Variants in IGF2BP2 observed in about 807,000 individuals in gnomAD.
IGF2BP2 encodes insulin-like growth factor 2 mRNA-binding protein 2.
Under a neutral mutation model 75.8 loss-of-function variants are expected in IGF2BP2, and 17 were observed. The ratio of observed to expected loss-of-function variants is 0.22; its 90% CI spans 0.15 to 0.34. IGF2BP2 has a LOEUF of 0.34. Ranked by LOEUF, IGF2BP2 falls within the 10% of genes least tolerant of loss-of-function variation. IGF2BP2 has a pLI of 1.00. For synonymous variants in IGF2BP2, 288 were observed against 295.6 expected (o/e 0.97, Z 0.26); for missense variants, 516 against 772.4 (o/e 0.67, Z 3.93).
At chr3:185,658,623 G>A (rs1009485931) in intron 10 of IGF2BP2, among the ~76,000 whole-genome samples, 1 of 152,228 alleles carries the variant, frequency 6.6e-6, no homozygotes, top group Non-Finnish European at 1.5e-5. Flanking sequence ...CCTGGTTGCA[G>A]TAGCTCTCTG....
intron 2 of IGF2BP2, among the ~76,000 whole-genome samples, chr3:185,747,088 G>A (rs1031222995): frequency 1.3e-5 from 2 of 152,166 alleles, no homozygotes; most frequent in African/African-American, 4.8e-5. Context: ...ACTAGGAGCT[G>A]AGGATAATTA....
chr3:185,820,648 C>T (rs1741260096), intron 2 of IGF2BP2, among the ~76,000 whole-genome samples: 1 of 152,042 alleles, frequency 6.6e-6, no homozygotes, highest in Non-Finnish European at 1.5e-5. Context: ...ACAAAAGATA[C>T]AACTGGTAAG....
intron 2 of IGF2BP2, among the ~76,000 whole-genome samples, chr3:185,755,400 T>C (rs1228202648): frequency 1.3e-5 from 2 of 152,176 alleles, no homozygotes; most frequent in South Asian, 4.1e-4. Context: ...TTTCAGAGGA[T>C]GTACAGGAAA....
At chr3:185,728,243 C>G (rs968590672) in intron 2 of IGF2BP2, 5 of 152,644 alleles carry the variant, frequency 3.3e-5, no homozygotes, top group Non-Finnish European at 7.3e-5. Flanking sequence ...GCGCCAGACC[C>G]TTGCTGCTCC....
At chr3:185,669,757 C>T (rs917158977) in intron 10 of IGF2BP2, among the ~76,000 whole-genome samples, 16 of 152,130 alleles carry the variant, frequency 1.1e-4, no homozygotes, top group Admixed American at 8.5e-4. Flanking sequence ...ATCTTAGTTC[C>T]TTGAAATTTG....
At chr3:185,786,125 G>A (rs1476861449) in intron 2 of IGF2BP2, among the ~76,000 whole-genome samples, 4 of 149,284 alleles carry the variant, frequency 2.7e-5, no homozygotes, top group South Asian at 2.2e-4. Flanking sequence ...CACTACCCCC[G>A]CCAAGAAATT....
Position 185,649,522 on chromosome 3 carries a change from T to A in IGF2BP2, c.1474A>T (p.Ile492Phe). 1 of 1,614,150 alleles carries A rather than the reference T, an allele frequency of 6.2e-7. No individual in the cohort carries two copies. ...TTTTCCTCTTTCAGTTTCCCAAAGA[T>A]CCGTCCCTGGGCCTGAGAGAGCAAG... ...PEAQFKAQGR[I>F]FGKLKEENFF... The change falls in exon 14 of 16, where the codon ATC becomes TTC. Residue 492 changes from isoleucine to phenylalanine, a missense_variant. Ile to Phe is a conservative substitution (Grantham distance 21). This residue lies in a region of IGF2BP2 where 129 missense variants were observed against 230.5 expected (regional missense o/e 0.56). Coordinates refer to ENST00000382199, the MANE Select transcript of IGF2BP2 (RefSeq NM_006548.6).
chr3:185,786,941 C>T (rs941904262), intron 2 of IGF2BP2, among the ~76,000 whole-genome samples: 1 of 152,110 alleles, frequency 6.6e-6, no homozygotes, highest in Non-Finnish European at 1.5e-5. Flanking sequence ...GTTTTGTTTT[C>T]ACAACCTTTC....
chr3:185,778,002 AGAGT>A (rs1734732146), intron 2 of IGF2BP2, among the ~76,000 whole-genome samples: 1 of 152,042 alleles, frequency 6.6e-6, no homozygotes, highest in South Asian at 2.1e-4. Context: ...CGAGATTGCA[AGAGT>A]GAGACTCCGT....
intron 2 of IGF2BP2, chr3:185,722,173 A>G: frequency 4.4e-6 from 2 of 452,136 alleles, no homozygotes; most frequent in Middle Eastern, 3.4e-4. Context: ...GCCTCAAGCA[A>G]TCTTCCCACT....
rs145004431 is a variant in IGF2BP2, at chr3:185,811,488, A to G, written c.239+11665T>C. Among the ~76,000 whole-genome samples, 88 of 152,352 alleles carry G rather than the reference A, an allele frequency of 5.8e-4. No homozygotes were observed. The East Asian group carries it at 0.016, about 28-fold the overall frequency. On this transcript the variant is annotated intron_variant, in intron 2 of 15. Transcript: ENST00000382199. Reference sequence around the variant, plus strand: ...TGTCTTTTTTTGACCTTCAGTGTCCATAAAAAATTTTGAATTGTTGCCAAT... The same window carrying G: ...TGTCTTTTTTTGACCTTCAGTGTCCGTAAAAAATTTTGAATTGTTGCCAAT...
At chr3:185,784,792 G>A (rs1268386705) in intron 2 of IGF2BP2, among the ~76,000 whole-genome samples, 1 of 152,172 alleles carries the variant, frequency 6.6e-6, no homozygotes, top group Non-Finnish European at 1.5e-5. Flanking sequence ...AGTATCACCA[G>A]TACAGCCAGT....
intron 2 of IGF2BP2, among the ~76,000 whole-genome samples, chr3:185,748,374 A>T (rs1482938903): frequency 6.6e-6 from 1 of 152,270 alleles, no homozygotes; most frequent in African/African-American, 2.4e-5. Flanking sequence ...TATCAGAAGT[A>T]GCAACTGGAA....
At chr3:185,722,202 G>A (rs1256804029) in intron 2 of IGF2BP2, 1 of 454,294 alleles carries the variant, frequency 2.2e-6, no homozygotes, top group Non-Finnish European at 4.4e-6. Context: ...CCAAAGTGCT[G>A]GGACTACAGG....
At chr3:185,806,056 A>G (rs1738984614) in intron 2 of IGF2BP2, among the ~76,000 whole-genome samples, 1 of 152,102 alleles carries the variant, frequency 6.6e-6, no homozygotes, top group Admixed American at 6.5e-5. Context: ...CACCCGCCTC[A>G]GCCTCCCAGA....
chr3:185,809,082 A>C (rs1739445271), intron 2 of IGF2BP2, among the ~76,000 whole-genome samples: 1 of 151,956 alleles, frequency 6.6e-6, no homozygotes, highest in Non-Finnish European at 1.5e-5. Flanking sequence ...ATAAGCGAAT[A>C]GCTAGTTGGG....
chr3:185,706,598 T>G lies in IGF2BP2; in HGVS notation c.240-8251A>C, dbSNP rs146724657. On this transcript the variant is annotated intron_variant, in intron 2 of 15. Coordinates refer to ENST00000382199, the MANE Select transcript of IGF2BP2 (RefSeq NM_006548.6). Reference sequence around the variant, plus strand: ...ATTATGTTTCATTCCACCTTCAGGATTCTATAAATCTTTTGGACAGAATTG... The same window carrying G: ...ATTATGTTTCATTCCACCTTCAGGAGTCTATAAATCTTTTGGACAGAATTG... 1.9e-4 allele frequency among the ~76,000 whole-genome samples: 29 copies of G among 152,330 alleles called. No individual in the cohort carries two copies. The East Asian group carries it at 5.6e-3, about 29-fold the overall frequency.
intron 7 of IGF2BP2, among the ~76,000 whole-genome samples, chr3:185,684,019 G>T (rs1720762871): frequency 6.6e-6 from 1 of 152,096 alleles, no homozygotes. Flanking sequence ...ATTTTCTGTT[G>T]CTTGAAGACC....
intron 7 of IGF2BP2, among the ~76,000 whole-genome samples, chr3:185,678,903 T>C (rs1719951776): frequency 6.6e-6 from 1 of 152,208 alleles, no homozygotes; most frequent in Non-Finnish European, 1.5e-5. Context: ...GTAACAGTTT[T>C]GTTTTTAGTC....
Sources: allele counts gnomAD v4.1 joint callset (sites outside exome capture counted in the v4.1 genomes callset), GRCh38; gene constraint gnomAD v4.1.1; regional missense constraint gnomAD v4.1.1; transcripts MANE v1.5; gene names NCBI Gene and HGNC (gene_info 2026-07-23, HGNC 2026-07-21).